BIRC6: variants seen among roughly 807,000 people sequenced by gnomAD.
The protein encoded by BIRC6 is baculoviral IAP repeat containing 6.
A neutral mutation model predicts 503.3 loss-of-function variants in BIRC6; 98 were observed. The ratio of observed to expected loss-of-function variants is 0.19; its 90% CI spans 0.17 to 0.23. The LOEUF (loss-of-function observed/expected upper bound fraction) is 0.23, where lower values mean the gene tolerates loss of function less well. Ranked by LOEUF, BIRC6 falls within the 10% of genes least tolerant of loss-of-function variation. BIRC6 has a pLI of 1.00. For missense variants in BIRC6, 5,360 were observed against 5,806.0 expected, an observed-to-expected ratio of 0.92 and a Z score of 2.50; for synonymous variants, 2,240 against 2,078.7, an observed-to-expected ratio of 1.08 and a Z score of -2.11.
chr2:32,367,355 G>A (rs1310464983), intron 1 of BIRC6, among the ~76,000 whole-genome samples: 1 of 151,992 alleles, frequency 6.6e-6, no homozygotes, highest in African/African-American at 2.4e-5. Flanking sequence ...CCAGCTATTC[G>A]GGAGGCTGAG....
chr2:32,565,299 G>T (rs2059462057), intron 65 of BIRC6: 1 of 152,114 alleles, frequency 6.6e-6, no homozygotes, highest in African/African-American at 2.4e-5. Flanking sequence ...TAGACACTAT[G>T]GAGTATCTAG....
chr2:32,407,445 CAAA>C (rs760585710), intron 9 of BIRC6, among the ~76,000 whole-genome samples: 3 of 69,856 alleles, frequency 4.3e-5, no homozygotes, highest in Middle Eastern at 7.7e-3. Context: ...AACTCTGTCT[CAAA>C]AAAAAAAAAA....
At chr2:32,538,650 G>T (rs908440920) in intron 61 of BIRC6, among the ~76,000 whole-genome samples, 4 of 152,234 alleles carry the variant, frequency 2.6e-5, no homozygotes, top group Admixed American at 6.5e-5. Context: ...ACAGTGTATG[G>T]CTGGGCATGG....
Position 32,468,707 on chromosome 2 carries a change from A to G in BIRC6, c.6051A>G (p.Thr2017=), listed in dbSNP as rs149167251. Residue 2017 remains threonine (T), a synonymous_variant, in exon 29 of 74, where the codon ACA becomes ACG. Coordinates refer to ENST00000421745, the MANE Select transcript of BIRC6 (RefSeq NM_016252.4). ...CAAATCCAGAAGATTTAATTCAGAC[A>G]TCTTCCACAGAGCAGTTACGTACTA... ...ETSNPEDLIQ[T]SSTEQLRTII... is the part of the protein sequence containing the mutation. 2.2e-4 allele frequency: 360 copies of G among 1,613,980 alleles called. 1 individual carries two copies. Among genetic ancestry groups the G allele is most frequent in the Non-Finnish European group, 2.8e-4 (332 of 1,179,848 alleles).
At chr2:32,392,200 C>T (rs1282117939) in intron 5 of BIRC6, 50 bp downstream of exon 5, 2 of 1,257,194 alleles carry the variant, frequency 1.6e-6, no homozygotes, top group South Asian at 2.8e-5. Flanking sequence ...CTTTGTAGCC[C>T]TCAGCAAAAT....
At chr2:32,379,665 T>C (rs556335516) in intron 2 of BIRC6, 1 of 152,314 alleles carries the variant, frequency 6.6e-6, no homozygotes, top group African/African-American at 2.4e-5. Flanking sequence ...TGTAGATATA[T>C]TCTTTTCCTT....
intron 6 of BIRC6, among the ~76,000 whole-genome samples, chr2:32,399,635 A>G (rs750820132): frequency 7.2e-5 from 11 of 152,216 alleles, no homozygotes; most frequent in Non-Finnish European, 1.6e-4. Context: ...AAAAATAAGG[A>G]ATAACCAGAA....
At chr2:32,404,837 T>G (rs2041019918) in intron 8 of BIRC6, among the ~76,000 whole-genome samples, 1 of 151,770 alleles carries the variant, frequency 6.6e-6, no homozygotes, top group Admixed American at 6.6e-5. Context: ...AATTTTTTAT[T>G]TTTTTGTGGA....
In BIRC6 at chr2:32,485,640, T is replaced by C. The variant is rs77296550; in HGVS notation, c.7697-3T>C. ...TTCTTTTTCTTTCAATTGCTTTTTG[T>C]AGCCCTGGATGCTCGCCTAGAAGTT... On this transcript the variant is annotated splice_region_variant and splice_polypyrimidine_tract_variant and intron_variant, in intron 39 of 73. Transcript: ENST00000421745. 9.0e-3 allele frequency: 14,315 copies of C among 1,597,176 alleles called. 433 individuals are homozygous for C. The African/African-American group carries it at 0.1, about 11-fold the overall frequency.
chr2:32,478,869 C>A, intron 36 of BIRC6, 51 bp downstream of exon 36: 2 of 1,552,822 alleles, frequency 1.3e-6, no homozygotes, highest in South Asian at 2.3e-5. Flanking sequence ...CTTGTCATTG[C>A]TCAACTAAGA....
At chr2:32,483,101 A>G (rs2050594950) in intron 39 of BIRC6, among the ~76,000 whole-genome samples, 1 of 104 alleles carries the variant, frequency 9.6e-3, no homozygotes, top group African/African-American at 0.056. Flanking sequence ...TATTTTTAGT[A>G]GAGACAGGTT....
At chr2:32,472,587 G>T (rs1434913188) in intron 32 of BIRC6, among the ~76,000 whole-genome samples, 17 of 152,136 alleles carry the variant, frequency 1.1e-4, no homozygotes, top group Admixed American at 1.0e-3. Flanking sequence ...TTGGAAATGG[G>T]TGTAAAGTGT....
At chr2:32,430,805 C>CG in intron 11 of BIRC6, 60 bp from the exon 12 acceptor site, 1 of 484,316 alleles carries the variant, frequency 2.1e-6, no homozygotes, top group Non-Finnish European at 3.5e-6. Flanking sequence ...TCATTGTCTT[C>CG]TTTTTTTTTT....
intron 22 of BIRC6, among the ~76,000 whole-genome samples, chr2:32,451,137 C>T (rs1183906681): frequency 1.3e-5 from 2 of 152,220 alleles, no homozygotes; most frequent in African/African-American, 4.8e-5. Context: ...GTGCATTCTC[C>T]ACATTGCATT....
rs1006958870 is a variant in BIRC6, at chr2:32,599,735, C to T, written c.13831-4C>T. 3 of 1,611,380 alleles carry T rather than the reference C, an allele frequency of 1.9e-6. No individual in the cohort carries two copies. Among genetic ancestry groups the T allele is most frequent in the Admixed American group, 1.7e-5 (1 of 59,942 alleles). On this transcript the variant is annotated splice_polypyrimidine_tract_variant and splice_region_variant and intron_variant, in intron 69 of 73. Coordinates refer to ENST00000421745, the MANE Select transcript of BIRC6 (RefSeq NM_016252.4). ...TAGACTTTTGTATGTTTATATATAT[C>T]CAGGTTCTAATAACTGGTCCAGCGG...
chr2:32,491,331 G>C (rs1458154426), intron 43 of BIRC6, 94 bp from the exon 44 acceptor site: 6 of 1,248,028 alleles, frequency 4.8e-6, no homozygotes, highest in Non-Finnish European at 6.5e-6. Context: ...AGGAATGTAT[G>C]AATTTTCCTT....
intron 32 of BIRC6, among the ~76,000 whole-genome samples, chr2:32,472,258 G>A (rs139365932): frequency 1.1e-4 from 17 of 152,166 alleles, no homozygotes; most frequent in Admixed American, 2.6e-4. Flanking sequence ...TAGTAGGGAC[G>A]AGGTTTCACC....
At chr2:32,566,481 T>C (rs890403213) in intron 65 of BIRC6, 8 of 152,156 alleles carry the variant, frequency 5.3e-5, no homozygotes, top group Non-Finnish European at 1.0e-4. Context: ...GCCTCATGAG[T>C]AGCTGAGACT....
rs753376537 is a variant in BIRC6 at position 32,476,372 on chromosome 2, A to G, written c.6852+28A>G. 7 of 1,542,200 alleles carry G rather than the reference A, an allele frequency of 4.5e-6. No homozygotes were observed. The Admixed American group carries it at 1.3e-4, about 28-fold the overall frequency. On this transcript the variant is annotated intron_variant, in intron 34 of 73. Coordinates refer to ENST00000421745, the MANE Select transcript of BIRC6 (RefSeq NM_016252.4). ...ATGATCTATACTTTTCAATATAGTTATCTCAGAAAAGTCAAGGAGTTATGA... is the reference window on the plus strand; with the variant it reads ...ATGATCTATACTTTTCAATATAGTTGTCTCAGAAAAGTCAAGGAGTTATGA...
Sources: gnomAD v4.1 joint callset for allele counts (sites outside exome capture counted in the v4.1 genomes callset) on GRCh38, gnomAD v4.1.1 for gene constraint, MANE v1.5 for transcripts, NCBI Gene and HGNC (gene_info 2026-07-23, HGNC 2026-07-21) for gene names.